PLXDC2: variants seen among roughly 807,000 people sequenced by gnomAD.
PLXDC2 encodes the protein plexin domain containing 2.
PLXDC2 carries 40 observed loss-of-function variants against 68.9 expected under a neutral mutation model. That is an observed-to-expected ratio of 0.58 (90% confidence interval 0.45 to 0.76). PLXDC2 has a LOEUF of 0.76. Ranked by LOEUF, PLXDC2 falls within the 30% of genes least tolerant of loss-of-function variation. The pLI is 0.00. For synonymous variants in PLXDC2, 243 were observed against 234.2 expected, an observed-to-expected ratio of 1.04 and a Z score of -0.34; for missense variants, 644 against 661.9, an observed-to-expected ratio of 0.97 and a Z score of 0.30.
At chr10:20,113,461 GA>G (rs1833583554) in intron 4 of PLXDC2, among the ~76,000 whole-genome samples, 1 of 152,034 alleles carries the variant, frequency 6.6e-6, no homozygotes, top group South Asian at 2.1e-4. Context: ...TTCTACTTTT[GA>G]AAAACTCTCT....
At chr10:20,102,799 A>C (rs930823505) in intron 4 of PLXDC2, among the ~76,000 whole-genome samples, 1 of 152,204 alleles carries the variant, frequency 6.6e-6, no homozygotes, top group Non-Finnish European at 1.5e-5. Context: ...TCTAGAGGAA[A>C]AATGGCGGCT....
At chr10:20,110,679 T>G (rs1272680351) in intron 4 of PLXDC2, among the ~76,000 whole-genome samples, 2 of 152,138 alleles carry the variant, frequency 1.3e-5, no homozygotes, top group Non-Finnish European at 2.9e-5. Flanking sequence ...CCCCACACTG[T>G]TCCTCCCGGC....
At position 20,001,804 on chromosome 10, in the gene PLXDC2, C is replaced by T. The variant is rs1262975781; in HGVS notation, c.142C>T (p.Pro48Ser). 6.2e-7 allele frequency: 1 copy of T among 1,613,966 alleles called. No homozygotes were observed. Among genetic ancestry groups the T allele is most frequent in the African/African-American group, 1.3e-5 (1 of 74,984 alleles). Residue 48 changes from proline to serine, a missense_variant, in exon 2 of 14, where the codon CCT (proline) becomes TCT (serine). By Grantham distance (74) the Pro-to-Ser change is moderately conservative. This residue lies in a region of PLXDC2 where 201 missense variants were observed against 166.9 expected (regional missense o/e 1.20). Coordinates refer to ENST00000377252, the MANE Select transcript of PLXDC2 (RefSeq NM_032812.9). ...DWQYGVTQAF[P>S]HTEEEVEVDS... is the part of the protein sequence containing the mutation. ...GCAGTATGGAGTTACTCAGGCCTTCCCTCACACAGAGGAGGAGGTGGAAGT... is the reference window on the plus strand; with the variant it reads ...GCAGTATGGAGTTACTCAGGCCTTCTCTCACACAGAGGAGGAGGTGGAAGT...
chr10:20,267,758 T>C, intron 13 of PLXDC2, among the ~76,000 whole-genome samples: 1 of 141,464 alleles, frequency 7.1e-6, no homozygotes, highest in Non-Finnish European at 1.5e-5. Flanking sequence ...TACCATTGAC[T>C]ACAAAACAAA....
intron 1 of PLXDC2, among the ~76,000 whole-genome samples, chr10:19,955,074 A>ATCT (rs1834046467): frequency 3.0e-5 from 3 of 99,292 alleles, no homozygotes; most frequent in Admixed American, 1.1e-4. Context: ...CCTTTCACTG[A>ATCT]TTTTTTTTTT....
At chr10:19,875,354 G>C (rs745758101) in intron 1 of PLXDC2, among the ~76,000 whole-genome samples, 2 of 152,164 alleles carry the variant, frequency 1.3e-5, no homozygotes, top group African/African-American at 2.4e-5. Flanking sequence ...TGAGCATCAT[G>C]GATGTAATAG....
At chr10:19,875,955 A>T (rs1410484575) in intron 1 of PLXDC2, among the ~76,000 whole-genome samples, 1 of 152,020 alleles carries the variant, frequency 6.6e-6, no homozygotes, top group Non-Finnish European at 1.5e-5. Context: ...TATTTCTGAA[A>T]TTTTTGTAAC....
At chr10:20,121,008 A>G (rs574023050) in intron 4 of PLXDC2, among the ~76,000 whole-genome samples, 1 of 152,292 alleles carries the variant, frequency 6.6e-6, no homozygotes, top group African/African-American at 2.4e-5. Context: ...AGATACAGTC[A>G]TGGGTGTCAG....
intron 1 of PLXDC2, among the ~76,000 whole-genome samples, chr10:19,987,679 A>G (rs1834667324): frequency 6.6e-6 from 1 of 151,460 alleles, no homozygotes; most frequent in South Asian, 2.1e-4. Flanking sequence ...CTCCTGCCTC[A>G]GCCTCCCCGG....
chr10:20,150,772 C>T (rs1009966095), intron 6 of PLXDC2, among the ~76,000 whole-genome samples: 1 of 152,144 alleles, frequency 6.6e-6, no homozygotes, highest in Non-Finnish European at 1.5e-5. Flanking sequence ...TTGAAATTGT[C>T]ATCTTTCTTT....
intron 13 of PLXDC2, among the ~76,000 whole-genome samples, chr10:20,278,598 T>G (rs1030549437): frequency 3.6e-5 from 5 of 140,242 alleles, no homozygotes; most frequent in African/African-American, 1.3e-4. Flanking sequence ...ATATTATTAG[T>G]AGGCAGAATG....
intron 1 of PLXDC2, among the ~76,000 whole-genome samples, chr10:19,937,367 G>A (rs1006255707): frequency 1.3e-5 from 2 of 151,622 alleles, no homozygotes; most frequent in African/African-American, 4.8e-5. Context: ...ATCTTCCTGG[G>A]TCACCTGTAC....
At chr10:20,199,325 A>T (rs761795297) in intron 9 of PLXDC2, among the ~76,000 whole-genome samples, 23 of 151,998 alleles carry the variant, frequency 1.5e-4, no homozygotes, top group Non-Finnish European at 2.8e-4. Context: ...TAAACACTGA[A>T]GCCCAAGAAA....
In PLXDC2 at chr10:20,082,054, A is replaced by AC. The variant is rs1564308475; in HGVS notation, c.541+13815_541+13816insC. On this transcript the variant is annotated intron_variant, in intron 4 of 13. Transcript: ENST00000377252. ...GAGTGAAACTCCATCTGAAAAAAAA[A>AC]AAAAAAAATCAAAAAAAAAAAACAG... is the stretch of plus-strand genomic sequence containing the variant. Among the ~76,000 whole-genome samples the AC allele has an allele frequency of 2.0e-4, 29 of 142,036 alleles. 1 individual carries two copies. The highest frequency in any genetic ancestry group is 7.1e-4 in the African/African-American group (27 of 37,804). The allele number at this position is 142,036 out of a possible 152,430, so 93.2% of individuals were successfully genotyped here. A position where few individuals can be genotyped will look rare whatever the true frequency, so the allele number is the denominator to read the frequency against.
intron 13 of PLXDC2, among the ~76,000 whole-genome samples, chr10:20,252,988 C>A (rs1030720715): frequency 4.0e-5 from 6 of 151,768 alleles, no homozygotes; most frequent in African/African-American, 9.7e-5. Flanking sequence ...TATCATAGAA[C>A]TTTTTATGGA....
intron 4 of PLXDC2, among the ~76,000 whole-genome samples, chr10:20,126,712 T>G (rs4990269): frequency 0.34 from 2,105 of 6,194 alleles, 547 homozygotes; most frequent in Middle Eastern, 0.5. Context: ...TATGTATATA[T>G]AACACACACG....
intron 9 of PLXDC2, among the ~76,000 whole-genome samples, chr10:20,197,044 A>G (rs572384645): frequency 1.3e-5 from 2 of 152,136 alleles, no homozygotes; most frequent in East Asian, 3.9e-4. Flanking sequence ...GGATGTGCTA[A>G]TTTTCTGCCT....
intron 4 of PLXDC2, among the ~76,000 whole-genome samples, chr10:20,123,005 G>A (rs1214510713): frequency 1.3e-5 from 2 of 152,240 alleles, no homozygotes; most frequent in East Asian, 3.9e-4. Flanking sequence ...TCTGATTTGG[G>A]ATAAAGAAAA....
chr10:20,226,728 T>TGGG (rs1319320711), intron 12 of PLXDC2, among the ~76,000 whole-genome samples: 5 of 152,208 alleles, frequency 3.3e-5, no homozygotes, highest in Non-Finnish European at 7.3e-5. Context: ...TGCACACAGA[T>TGGG]GGCTTCCACA....
Sources: allele counts gnomAD v4.1 joint callset (sites outside exome capture counted in the v4.1 genomes callset), GRCh38; gene constraint gnomAD v4.1.1; regional missense constraint gnomAD v4.1.1; transcripts MANE v1.5; gene names NCBI Gene and HGNC (gene_info 2026-07-23, HGNC 2026-07-21).